The following SGCD variants were observed in gnomAD, a reference collection of about 807,000 sequenced individuals.
The protein encoded by SGCD is delta-sarcoglycan.
A neutral mutation model predicts 36.6 loss-of-function variants in SGCD; 18 were observed. The ratio of observed to expected loss-of-function variants is 0.49; its 90% CI spans 0.34 to 0.73. The LOEUF (loss-of-function observed/expected upper bound fraction) is 0.73. Among genes scored for constraint, SGCD ranks in the 30% least tolerant of loss-of-function variants. The pLI is 0.01. For synonymous variants in SGCD, 133 were observed against 130.6 expected (o/e 1.02, Z -0.12); for missense variants, 387 against 346.7 (o/e 1.12, Z -0.92).
intron 3 of SGCD, among the ~76,000 whole-genome samples, chr5:156,421,172 G>A (rs1237238222): frequency 6.6e-6 from 1 of 152,072 alleles, no homozygotes; most frequent in African/African-American, 2.4e-5. Context: ...CACAAAGAAA[G>A]TATATGAAAG....
intron 1 of SGCD, among the ~76,000 whole-genome samples, chr5:156,072,986 T>C (rs1760633061): frequency 6.6e-6 from 1 of 152,222 alleles, no homozygotes; most frequent in African/African-American, 2.4e-5. Context: ...CTCCATCAGC[T>C]CCTTTAAGCA....
chr5:156,176,689 C>T (rs1237383503), intron 3 of SGCD, among the ~76,000 whole-genome samples: 2 of 152,104 alleles, frequency 1.3e-5, no homozygotes, highest in East Asian at 1.9e-4. Flanking sequence ...TTTTAAAATC[C>T]TCTGTTGCAG....
chr5:156,262,775 G>A (rs1234961630), intron 3 of SGCD, among the ~76,000 whole-genome samples: 1 of 152,058 alleles, frequency 6.6e-6, no homozygotes, highest in Non-Finnish European at 1.5e-5. Flanking sequence ...TTACGAGTGA[G>A]AACATACAGT....
chr5:156,446,053 A>C (rs1215976009), intron 3 of SGCD, among the ~76,000 whole-genome samples: 1 of 152,116 alleles, frequency 6.6e-6, no homozygotes, highest in Non-Finnish European at 1.5e-5. Flanking sequence ...ATTCTAATCC[A>C]GTAGCCTCAG....
chr5:156,672,771 C>T (rs755296471), intron 7 of SGCD, among the ~76,000 whole-genome samples: 2 of 152,168 alleles, frequency 1.3e-5, no homozygotes, highest in African/African-American at 4.8e-5. Context: ...TTCAGTTCAG[C>T]GTTTAATCAG....
intron 3 of SGCD, among the ~76,000 whole-genome samples, chr5:156,224,508 G>T (rs1477694999): frequency 6.6e-6 from 1 of 152,134 alleles, no homozygotes; most frequent in African/African-American, 2.4e-5. Context: ...ACTCTAAAGA[G>T]ATTTGTTTCC....
rs538805527 is a variant in SGCD at position 156,070,763 on chromosome 5, C to G, written c.-281-47115C>G. 1.6e-3 allele frequency among the ~76,000 whole-genome samples: 236 copies of G among 151,948 alleles called. 3 individuals are homozygous for G. The highest frequency in any genetic ancestry group is 5.3e-3 in the African/African-American group (221 of 41,402). On this transcript the variant is annotated intron_variant, in intron 1 of 9. Transcript: ENST00000517913. ...TCGGCTGTGAATCCATCTGGTCCTGCACTCTTTTTGGTTGGTAAGCTATTG... is the reference window on the plus strand; with the variant it reads ...TCGGCTGTGAATCCATCTGGTCCTGGACTCTTTTTGGTTGGTAAGCTATTG...
At chr5:156,623,705 G>A (rs1381030809) in intron 6 of SGCD, among the ~76,000 whole-genome samples, 1 of 152,172 alleles carries the variant, frequency 6.6e-6, no homozygotes, top group African/African-American at 2.4e-5. Context: ...ACAAAGGAAA[G>A]AGCCGATATG....
chr5:156,333,799 T>A (rs1768190770), intron 2 of SGCD, among the ~76,000 whole-genome samples: 1 of 131,050 alleles, frequency 7.6e-6, no homozygotes, highest in Non-Finnish European at 1.6e-5. Flanking sequence ...TTTTTTTTTT[T>A]TTTTTTTTTT....
intron 4 of SGCD, among the ~76,000 whole-genome samples, chr5:156,584,207 G>A (rs1337171927): frequency 1.3e-5 from 2 of 152,052 alleles, no homozygotes; most frequent in African/African-American, 4.8e-5. Context: ...CTTTTTTGCA[G>A]AGGGCCAAAT....
chr5:156,378,770 C>T (rs1235632265), intron 3 of SGCD, among the ~76,000 whole-genome samples: 1 of 151,746 alleles, frequency 6.6e-6, no homozygotes, highest in Non-Finnish European at 1.5e-5. Flanking sequence ...ATGTAAAAGG[C>T]AATATAATTC....
At chr5:156,451,915 C>G (rs1323318177) in intron 3 of SGCD, among the ~76,000 whole-genome samples, 2 of 152,186 alleles carry the variant, frequency 1.3e-5, no homozygotes, top group African/African-American at 2.4e-5. Flanking sequence ...CTGCTCAAGA[C>G]TCTATATAAC....
At chr5:156,214,113 G>A (rs1169458855) in intron 3 of SGCD, among the ~76,000 whole-genome samples, 1 of 151,882 alleles carries the variant, frequency 6.6e-6, no homozygotes, top group Admixed American at 6.6e-5. Context: ...TGGGTAAGTA[G>A]ACAGGAAAAA....
chr5:156,714,600 C>T (rs1755139962), intron 7 of SGCD, among the ~76,000 whole-genome samples: 1 of 152,186 alleles, frequency 6.6e-6, no homozygotes, highest in African/African-American at 2.4e-5. Context: ...GCCTATGTTT[C>T]CCCTAGGAGC....
chr5:156,414,743 A>G (rs1241112678), intron 3 of SGCD, among the ~76,000 whole-genome samples: 1 of 152,222 alleles, frequency 6.6e-6, no homozygotes, highest in African/African-American at 2.4e-5. Flanking sequence ...CTGTTATTAA[A>G]CAACAATTAA....
chr5:156,012,313 T>C (rs1758877515), intron 1 of SGCD, among the ~76,000 whole-genome samples: 1 of 152,210 alleles, frequency 6.6e-6, no homozygotes, highest in Non-Finnish European at 1.5e-5. Flanking sequence ...CATGCTTACG[T>C]ATTATTACAG....
intron 7 of SGCD, among the ~76,000 whole-genome samples, chr5:156,668,475 C>G (rs1753149101): frequency 6.6e-6 from 1 of 152,110 alleles, no homozygotes; most frequent in African/African-American, 2.4e-5. Flanking sequence ...AAAAATGGAG[C>G]AAAATAACAG....
chr5:155,967,100 C>A (rs998295103), intron 1 of SGCD, among the ~76,000 whole-genome samples: 4 of 151,864 alleles, frequency 2.6e-5, no homozygotes, highest in Non-Finnish European at 4.4e-5. Flanking sequence ...TTTTCCGAAG[C>A]ATTTCTTTCT....
chr5:155,929,433 C>G (rs150326819), intron 1 of SGCD, among the ~76,000 whole-genome samples: 4 of 152,148 alleles, frequency 2.6e-5, no homozygotes, highest in Admixed American at 6.6e-5. Context: ...ACTTGGCAAT[C>G]GAACCTCATA....
Sources: allele counts gnomAD v4.1 joint callset (sites outside exome capture counted in the v4.1 genomes callset), GRCh38; gene constraint gnomAD v4.1.1; transcripts MANE v1.5; gene names NCBI Gene and HGNC (gene_info 2026-07-23, HGNC 2026-07-21).